The following NRG1 variants were observed in gnomAD, a reference collection of about 807,000 sequenced individuals.
NRG1 encodes the protein neuregulin 1.
A neutral mutation model predicts 63.8 loss-of-function variants in NRG1; 18 were observed. The ratio of observed to expected loss-of-function variants is 0.28; its 90% CI spans 0.19 to 0.42. The LOEUF is 0.42. NRG1 is among the 10% of genes least tolerant of loss of function. NRG1 has a pLI of 1.00. For missense variants in NRG1, 762 were observed against 814.7 expected, an observed-to-expected ratio of 0.94 and a Z score of 0.79; for synonymous variants, 302 against 301.3, an observed-to-expected ratio of 1.00 and a Z score of -0.02.
intron 5 of NRG1, among the ~76,000 whole-genome samples, chr8:32,678,806 C>T (rs1042213750): frequency 6.6e-6 from 1 of 152,114 alleles, no homozygotes; most frequent in Non-Finnish European, 1.5e-5. Flanking sequence ...CAGACTAGTA[C>T]AAAAGTAACC....
chr8:32,245,165 G>A (rs1848485972), intron 1 of NRG1, among the ~76,000 whole-genome samples: 1 of 152,138 alleles, frequency 6.6e-6, no homozygotes, highest in Non-Finnish European at 1.5e-5. Flanking sequence ...TTCAAAGTTT[G>A]AATCAAGTAG....
chr8:31,765,579 T>C (rs1817978540), intron 1 of NRG1, among the ~76,000 whole-genome samples: 2 of 152,222 alleles, frequency 1.3e-5, no homozygotes, highest in South Asian at 4.1e-4. Context: ...ATATCCTGTG[T>C]AGTTTTCCAA....
At chr8:31,783,362 T>C (rs1171660262) in intron 1 of NRG1, among the ~76,000 whole-genome samples, 1 of 152,106 alleles carries the variant, frequency 6.6e-6, no homozygotes, top group Non-Finnish European at 1.5e-5. Context: ...AAAGTTAACA[T>C]TTGCTGGAGA....
intron 1 of NRG1, among the ~76,000 whole-genome samples, chr8:31,874,010 C>T (rs923275579): frequency 2.8e-4 from 42 of 152,206 alleles, no homozygotes; most frequent in African/African-American, 9.4e-4. Flanking sequence ...TTGGAGTCTT[C>T]GATAAATATG....
intron 1 of NRG1, among the ~76,000 whole-genome samples, chr8:31,886,004 A>G (rs1422594238): frequency 1.3e-5 from 2 of 152,100 alleles, no homozygotes; most frequent in Non-Finnish European, 2.9e-5. Context: ...AAACAAATGT[A>G]TTTGTTTTCA....
intron 7 of NRG1, among the ~76,000 whole-genome samples, chr8:32,752,214 C>G (rs181819253): frequency 2.1e-4 from 32 of 152,284 alleles, no homozygotes; most frequent in African/African-American, 7.5e-4. Context: ...AGTGGGGTGA[C>G]AGCTTTGCTT....
chr8:31,921,067 A>T (rs1418391228), intron 1 of NRG1, among the ~76,000 whole-genome samples: 1 of 152,182 alleles, frequency 6.6e-6, no homozygotes, highest in Non-Finnish European at 1.5e-5. Context: ...AGTTACTAAG[A>T]AATCAAACTG....
intron 1 of NRG1, among the ~76,000 whole-genome samples, chr8:31,978,532 G>T (rs779971764): frequency 1.3e-5 from 2 of 152,008 alleles, no homozygotes; most frequent in Non-Finnish European, 2.9e-5. Context: ...CATCTCCGAT[G>T]GATTAATGTT....
At chr8:32,503,843 G>A (rs1828189788) in intron 1 of NRG1, among the ~76,000 whole-genome samples, 1 of 152,124 alleles carries the variant, frequency 6.6e-6, no homozygotes, top group South Asian at 2.1e-4. Flanking sequence ...GGCGACTTGA[G>A]AGATCAGGTG....
chr8:32,763,381 T>G (rs1419813848), intron 11 of NRG1: 3 of 1,609,986 alleles, frequency 1.9e-6, no homozygotes, highest in African/African-American at 2.7e-5. Flanking sequence ...AAGTAATACT[T>G]CTTTCCCTTC....
Position 32,329,564 on chromosome 8 carries a change from C to G in NRG1, c.38-266264C>G, listed in dbSNP as rs7830691. 2.3e-3 allele frequency among the ~76,000 whole-genome samples: 354 copies of G among 151,970 alleles called. 1 individual carries two copies. Among genetic ancestry groups the G allele is most frequent in the African/African-American group, 8.0e-3 (332 of 41,438 alleles). The stretch of plus-strand genomic sequence containing the variant: ...TTGACAGGTCAATGCTGTAAAAGGC[C>G]GAGTCTAAGTTGATGGCTCTCAGTC... On this transcript the variant is annotated intron_variant, in intron 1 of 10. Transcript: ENST00000519301.
chr8:32,171,911 C>T lies in NRG1; in HGVS notation c.38-423917C>T, dbSNP rs186292084. On this transcript the variant is annotated intron_variant, in intron 1 of 10. Coordinates refer to the NRG1 transcript ENST00000519301. ...GGCCTGTCTGCCTCTGTAGACTCCA[C>T]CTCTGGGGGCAGGGAATAGCCAAAC... Among the ~76,000 whole-genome samples, 3 of 152,310 alleles carry T rather than the reference C, an allele frequency of 2.0e-5. No homozygotes were observed. In the East Asian group the frequency reaches 5.8e-4, roughly 29 times the overall value.
At chr8:32,548,274 C>G (rs932204276) in exon 1 of NRG1, 9 of 986,742 alleles carry the variant, frequency 9.1e-6, no homozygotes, top group Middle Eastern at 5.2e-4. Flanking sequence ...TGGGTGGCTG[C>G]GGGGCAATTG....
exon 1 of NRG1, chr8:32,548,323 A>G (rs1833353337): frequency 2.0e-6 from 2 of 996,606 alleles, no homozygotes; most frequent in African/African-American, 3.5e-5. Context: ...ACTTGTTGGA[A>G]CTCCGGGCTC....
intron 1 of NRG1, among the ~76,000 whole-genome samples, chr8:31,953,626 G>A (rs1803849234): frequency 6.6e-6 from 1 of 152,104 alleles, no homozygotes; most frequent in Admixed American, 6.5e-5. Context: ...CACTGTAAAG[G>A]CCAGAACTTT....
At chr8:31,991,467 T>G (rs1811081236) in intron 1 of NRG1, among the ~76,000 whole-genome samples, 1 of 151,934 alleles carries the variant, frequency 6.6e-6, no homozygotes, top group African/African-American at 2.4e-5. Context: ...GTGAGCACCT[T>G]CATGTCCAAG....
chr8:31,812,694 C>CTCTT (rs948566493), intron 1 of NRG1, among the ~76,000 whole-genome samples: 1 of 151,234 alleles, frequency 6.6e-6, no homozygotes, highest in Non-Finnish European at 1.5e-5. Flanking sequence ...CTCTCTTCTC[C>CTCTT]TCTTTCTTTC....
chr8:32,048,461 A>G (rs1427810252), intron 1 of NRG1, among the ~76,000 whole-genome samples: 1 of 72,744 alleles, frequency 1.4e-5, no homozygotes, highest in Non-Finnish European at 2.9e-5. Flanking sequence ...ATATATATAT[A>G]TATATATATA....
At chr8:31,928,352 T>TAA (rs77001238) in intron 1 of NRG1, among the ~76,000 whole-genome samples, 2,010 of 80,052 alleles carry the variant, frequency 0.025, 54 homozygotes, top group African/African-American at 0.056. Flanking sequence ...ATGGATGTGG[T>TAA]AAAAAAAAAA....
Sources: allele counts gnomAD v4.1 joint callset (sites outside exome capture counted in the v4.1 genomes callset), GRCh38; gene constraint gnomAD v4.1.1; transcripts MANE v1.5; gene names NCBI Gene and HGNC (gene_info 2026-07-23, HGNC 2026-07-21).